HK3: variants seen among roughly 807,000 people sequenced by gnomAD.
HK3 encodes hexokinase 3, also known as hexokinase-3.
HK3 carries 93 observed loss-of-function variants against 91.0 expected under a neutral mutation model. The observed-to-expected ratio is 1.02, with a 90% CI of 0.86 to 1.21. The LOEUF (loss-of-function observed/expected upper bound fraction) is 1.21. Ranked by LOEUF, HK3 falls within the 50% of genes most tolerant of loss-of-function variation. The pLI, the probability that HK3 is intolerant of heterozygous loss-of-function variation, is 0.00. For synonymous variants in HK3, 519 were observed against 516.9 expected (o/e 1.00, Z -0.06); for missense variants, 1,235 against 1,247.4 (o/e 0.99, Z 0.15).
At chr5:176,894,499 C>T (rs1400539064) in intron 2 of HK3, among the ~76,000 whole-genome samples, 6 of 152,182 alleles carry the variant, frequency 3.9e-5, no homozygotes, top group Non-Finnish European at 8.8e-5. Flanking sequence ...GACAGCAGGC[C>T]CTAGAGCCAG....
chr5:176,888,728 G>C lies in HK3; in HGVS notation c.1051C>G (p.His351Asp). 1.2e-6 allele frequency: 2 copies of C among 1,614,214 alleles called. No individual in the cohort carries two copies. Among genetic ancestry groups the C allele is most frequent in the Non-Finnish European group, 1.7e-6 (2 of 1,180,040 alleles). Reference sequence around the variant, plus strand: ...ACTCACTCCTCCATCTCAGCCACGTGTTCCAGGAGGATGCTGCCTTGGCTC... The same window carrying C: ...ACTCACTCCTCCATCTCAGCCACGTCTTCCAGGAGGATGCTGCCTTGGCTC... ...LLSQGSILLE[H>D]VAEMEDPSTG... is the part of the protein sequence containing the mutation. The change falls in exon 9 of 19, where the codon CAC becomes GAC. Residue 351 changes from histidine (H) to aspartate (D), a missense_variant. His to Asp is a moderately conservative substitution (Grantham distance 81). This residue lies in a region of HK3 where 717 missense variants were observed against 751.6 expected (regional missense o/e 0.95). Coordinates refer to ENST00000292432, the MANE Select transcript of HK3 (RefSeq NM_002115.3).
At chr5:176,894,747 C>T (rs1758864200) in intron 2 of HK3, among the ~76,000 whole-genome samples, 1 of 151,892 alleles carries the variant, frequency 6.6e-6, no homozygotes, top group Non-Finnish European at 1.5e-5. Context: ...ACTCAAGTAC[C>T]CTTTAGTGGG....
intron 15 of HK3, 50 bp from the exon 16 acceptor site, chr5:176,882,177 A>C: frequency 1.9e-6 from 3 of 1,594,362 alleles, no homozygotes; most frequent in Non-Finnish European, 2.6e-6. Context: ...GTAGACAAGG[A>C]CCCTCTGAGC....
chr5:176,887,608 G>A lies in HK3; in HGVS notation c.1443C>T (p.Arg481=), dbSNP rs766620436. 3.1e-6 allele frequency: 5 copies of A among 1,613,764 alleles called. No homozygotes were observed. In the East Asian group the frequency reaches 6.7e-5, roughly 22 times the overall value. ...AVAARLAAHR[R]LLEETLAPFR... ...ATGGGGCCAGGGTCTCCTCCAGCAG[G>A]CGCCGGTGGGCAGCCAGACGGGCAG... The change falls in exon 11 of 19, where the codon CGC becomes CGT. Residue 481 remains arginine (R), a synonymous_variant. Coordinates refer to ENST00000292432, the MANE Select transcript of HK3 (RefSeq NM_002115.3). The surrounding 1 kb of genome is among the most constrained non-coding windows in gnomAD (Gnocchi z 4.9).
In HK3 at chr5:176,887,677, A is replaced by G. The variant is rs373683238; in HGVS notation, c.1374T>C (p.Ser458=). The G allele has an allele frequency of 3.1e-6, 5 of 1,613,816 alleles. No homozygotes were observed. In the African/African-American group the frequency reaches 5.3e-5, roughly 17 times the overall value. The change falls in exon 11 of 19, where the codon TCT becomes TCC. Residue 458 remains serine (S), a synonymous_variant. Transcript: ENST00000292432. The surrounding 1 kb of genome is among the most constrained non-coding windows in gnomAD (Gnocchi z 4.9). The part of the protein sequence containing the change: ...APECDVSLIP[S]VDGGGRGVAM... Reference sequence around the variant, plus strand: ...CCACTCCCCGGCCACCACCATCCACAGAGGGGATTAAGGAGACATCGCATT... The same window carrying G: ...CCACTCCCCGGCCACCACCATCCACGGAGGGGATTAAGGAGACATCGCATT...
chr5:176,881,735 T>A lies in HK3; in HGVS notation c.2350A>T (p.Thr784Ser). The change falls in exon 17 of 19, where the codon ACC (threonine) becomes TCC (serine). Residue 784 changes from threonine (T) to serine (S), a missense_variant. By Grantham distance (58) the Thr-to-Ser change is moderately conservative. Around this residue, in one of 3 missense-constraint regions of HK3, gnomAD observed 513 missense variants for 477.4 expected, o/e 1.07. Coordinates refer to ENST00000292432, the MANE Select transcript of HK3 (RefSeq NM_002115.3). ...FRGQQIQRLQ[T>S]RDIFKTKFLS... Reference sequence around the variant, plus strand: ...AACTTGGTCTTGAAGATGTCCCTGGTCTGAAGGCGCTGGATCTGCTGGCCC... The same window carrying A: ...AACTTGGTCTTGAAGATGTCCCTGGACTGAAGGCGCTGGATCTGCTGGCCC... 1 of 1,614,168 alleles carries A rather than the reference T, an allele frequency of 6.2e-7. No homozygotes were observed. Among genetic ancestry groups the A allele is most frequent in the Non-Finnish European group, 8.5e-7 (1 of 1,180,042 alleles).
Position 176,884,127 on chromosome 5 carries a change from A to G in HK3, c.1865T>C (p.Leu622Pro), listed in dbSNP as rs922610681. Residue 622 changes from leucine to proline, a missense_variant, in exon 14 of 19, where the codon CTC becomes CCC. Physicochemically the swap from Leu to Pro is moderately conservative, Grantham distance 98. Around this residue, in one of 3 missense-constraint regions of HK3, gnomAD observed 513 missense variants for 477.4 expected, o/e 1.07. Coordinates refer to ENST00000292432, the MANE Select transcript of HK3 (RefSeq NM_002115.3). This position sits in a 1 kb window ranked among gnomAD's most constrained non-coding sequence, Gnocchi z 4.1. Reference protein sequence around the residue: ...CRQLGLDQGILLNWTKGFKAS... With the variant: ...CRQLGLDQGIPLNWTKGFKAS... ...CTTGAAACCCTTGGTCCAGTTCAGG[A>G]GGATGCCCTGGGGTGAGACCGAGAG... 4 of 1,613,822 alleles carry G rather than the reference A, an allele frequency of 2.5e-6. No individual in the cohort carries two copies. In the African/African-American group the frequency reaches 4.0e-5, roughly 16 times the overall value.
At chr5:176,883,433 G>A (rs1042197817) in intron 15 of HK3, among the ~76,000 whole-genome samples, 1 of 152,182 alleles carries the variant, frequency 6.6e-6, no homozygotes, top group African/African-American at 2.4e-5. Context: ...TCTTAGAGAT[G>A]AGGAAACTGA....
At chr5:176,894,450 G>A (rs1758857598) in intron 2 of HK3, among the ~76,000 whole-genome samples, 2 of 152,222 alleles carry the variant, frequency 1.3e-5, no homozygotes, top group African/African-American at 4.8e-5. Flanking sequence ...GCCTGCACAG[G>A]AGTGTCATCA....
intron 10 of HK3, 100 bp downstream of exon 10, chr5:176,888,232 G>A (rs1758654283): frequency 5.0e-6 from 5 of 995,118 alleles, no homozygotes; most frequent in South Asian, 3.1e-5. Flanking sequence ...TGCCCTTCGT[G>A]TCCACTGGCT....
In HK3 at chr5:176,881,537, T is replaced by C. The variant is rs200784243; in HGVS notation, c.2394-2A>G. ...ACCTGCCGCAGGGCCAGGCTGTCACTGGGGGCCAGGAAGGAAGAGAGCACA... is the reference window on the plus strand; with the variant it reads ...ACCTGCCGCAGGGCCAGGCTGTCACCGGGGGCCAGGAAGGAAGAGAGCACA... On this transcript the variant is annotated splice_acceptor_variant, in intron 17 of 18. Coordinates refer to ENST00000292432, the MANE Select transcript of HK3 (RefSeq NM_002115.3). LOFTEE classifies it high-confidence loss of function. 6.2e-7 allele frequency: 1 copy of C among 1,601,516 alleles called. No individual in the cohort carries two copies. Among genetic ancestry groups the C allele is most frequent in the Non-Finnish European group, 8.5e-7 (1 of 1,176,394 alleles).
chr5:176,890,601 G>A, intron 6 of HK3, 34 bp downstream of exon 6: 2 of 1,589,656 alleles, frequency 1.3e-6, no homozygotes, highest in Non-Finnish European at 1.7e-6. Context: ...AGGCCAACAT[G>A]GGCAGCCCTC....
At position 176,887,196 on chromosome 5, in the gene HK3, G is replaced by A. The variant is rs201854427; in HGVS notation, c.1737+5C>T. 8 of 1,614,102 alleles carry A rather than the reference G, an allele frequency of 5.0e-6. No individual in the cohort carries two copies. The highest frequency in any genetic ancestry group is 6.8e-6 in the Non-Finnish European group (8 of 1,180,012). Reference sequence around the variant, plus strand: ...CTCTGACATCAAGGTTCAGGCTGTGGGTACCTGCTGCCCAGAACCCTGGGC... The same window carrying A: ...CTCTGACATCAAGGTTCAGGCTGTGAGTACCTGCTGCCCAGAACCCTGGGC... On this transcript the variant is annotated splice_donor_5th_base_variant and intron_variant, in intron 12 of 18. Transcript: ENST00000292432. This position sits in a 1 kb window ranked among gnomAD's most constrained non-coding sequence, Gnocchi z 4.9.
intron 2 of HK3, among the ~76,000 whole-genome samples, chr5:176,893,689 G>A (rs1398246289): frequency 6.6e-6 from 1 of 152,202 alleles, no homozygotes; most frequent in East Asian, 1.9e-4. Flanking sequence ...AGAAGTCAAT[G>A]GCTTGGGCAA....
chr5:176,888,360 C>T lies in HK3; in HGVS notation c.1276G>A (p.Gly426Arg), dbSNP rs767068900. 40 of 1,559,654 alleles carry T rather than the reference C, an allele frequency of 2.6e-5. No individual in the cohort carries two copies. The highest frequency in any genetic ancestry group is 1.7e-4 in the Middle Eastern group (1 of 6,024). ...QQTLQVAVAT[G>R]GRVCERHPRF... is the part of the protein sequence containing the mutation. ...GGGTGCCGCTCACACACTCGGCCTC[C>T]GGTGGCCACAGCAACCTGGAGTGTT... The change falls in exon 10 of 19, where the codon GGA becomes AGA. Residue 426 changes from glycine (G) to arginine (R), a missense_variant. Gly to Arg is a moderately radical substitution (Grantham distance 125). Around this residue, in one of 3 missense-constraint regions of HK3, gnomAD observed 717 missense variants for 751.6 expected, o/e 0.95. Transcript: ENST00000292432.
chr5:176,894,869 C>T (rs1581304190), intron 2 of HK3, among the ~76,000 whole-genome samples: 4 of 151,272 alleles, frequency 2.6e-5, no homozygotes, highest in South Asian at 4.2e-4. Flanking sequence ...CTCTGCCTCC[C>T]GGGTTCACAC....
chr5:176,898,364 C>T (rs1319093296), intron 1 of HK3, among the ~76,000 whole-genome samples: 2 of 152,212 alleles, frequency 1.3e-5, no homozygotes, highest in Non-Finnish European at 2.9e-5. Context: ...CCAAACCATA[C>T]ATACCTATGC....
chr5:176,888,592 G>T (rs756381194), intron 9 of HK3, 27 bp from the exon 10 acceptor site: 1 of 1,594,790 alleles, frequency 6.3e-7, no homozygotes, highest in Non-Finnish European at 8.6e-7. Flanking sequence ...AGTGGTTTGG[G>T]GCTCAGCCCA....
intron 13 of HK3, among the ~76,000 whole-genome samples, chr5:176,886,645 G>A (rs1261998543): frequency 6.6e-6 from 1 of 152,086 alleles, no homozygotes; most frequent in Non-Finnish European, 1.5e-5. Flanking sequence ...AAAGGAGGAG[G>A]AGAGAGGCCA....
Sources: allele counts gnomAD v4.1 joint callset (sites outside exome capture counted in the v4.1 genomes callset), GRCh38; gene constraint gnomAD v4.1.1; regional missense constraint gnomAD v4.1.1; non-coding constraint Gnocchi (gnomAD v3.1); transcripts MANE v1.5; gene names NCBI Gene and HGNC (gene_info 2026-07-23, HGNC 2026-07-21).